Variants in ANO6 observed in about 807,000 individuals in gnomAD.
ANO6 encodes the protein anoctamin 6, also known as anoctamin-6.
Under a neutral mutation model 117.5 loss-of-function variants are expected in ANO6, and 106 were observed. The observed-to-expected ratio is 0.90, with a 90% confidence interval of 0.77 to 1.06. The LOEUF (loss-of-function observed/expected upper bound fraction) is 1.06. Ranked by LOEUF, ANO6 falls within the 50% of genes least tolerant of loss-of-function variation. ANO6 has a pLI of 0.00. For synonymous variants in ANO6, 367 were observed against 385.1 expected, an observed-to-expected ratio of 0.95 and a Z score of 0.55; for missense variants, 955 against 1,121.1, an observed-to-expected ratio of 0.85 and a Z score of 2.12.
At chr12:45,326,757 TGCTGCCCCTTCTGAA>T (rs1940480490) in intron 2 of ANO6, among the ~76,000 whole-genome samples, 1 of 152,220 alleles carries the variant, frequency 6.6e-6, no homozygotes, top group Non-Finnish European at 1.5e-5. Context: ...TCCCAGCAGC[TGCTGCCCCTTCTGAA>T]GCTGTCTTAT....
chr12:45,403,311 T>C, intron 14 of ANO6, 70 bp downstream of exon 14: 2 of 1,559,008 alleles, frequency 1.3e-6, no homozygotes, highest in Non-Finnish European at 8.8e-7. Flanking sequence ...AAATGAATAG[T>C]TTTTTATTGT....
chr12:45,234,639 CT>C, intron 1 of ANO6, among the ~76,000 whole-genome samples: 1 of 152,222 alleles, frequency 6.6e-6, no homozygotes, highest in East Asian at 1.9e-4. Flanking sequence ...TTTTTCGAGC[CT>C]GGTTTCCACT....
Position 45,370,985 on chromosome 12 carries a change from G to T in ANO6, c.1104+3192G>T, listed in dbSNP as rs543731096. On this transcript the variant is annotated intron_variant, in intron 9 of 19. Coordinates refer to ENST00000320560, the MANE Select transcript of ANO6 (RefSeq NM_001025356.3). ...CACTAGGGAGTGCCAGACAGTGGGC[G>T]CAGGTCAGTGGGTGCACGCACCGTG... is the stretch of plus-strand genomic sequence containing the variant. Among the ~76,000 whole-genome samples the T allele has an allele frequency of 1.4e-4, 22 of 152,226 alleles. No homozygotes were observed. The South Asian group carries it at 2.9e-3, about 20-fold the overall frequency.
chr12:45,336,115 C>T (rs772645216), intron 3 of ANO6, among the ~76,000 whole-genome samples: 16 of 151,926 alleles, frequency 1.1e-4, no homozygotes, highest in Admixed American at 6.6e-4. Context: ...ACTTGCCATA[C>T]ATTTTTGATA....
At chr12:45,233,613 C>G (rs950659126) in intron 1 of ANO6, among the ~76,000 whole-genome samples, 1 of 152,120 alleles carries the variant, frequency 6.6e-6, no homozygotes, top group Non-Finnish European at 1.5e-5. Flanking sequence ...ATTCCTAGTA[C>G]TGCTTATTTA....
At chr12:45,250,601 C>T (rs756707185) in intron 1 of ANO6, among the ~76,000 whole-genome samples, 5 of 151,768 alleles carry the variant, frequency 3.3e-5, no homozygotes, top group Non-Finnish European at 7.4e-5. Context: ...GGTCGTCTTG[C>T]TGTGTTGCCT....
chr12:45,340,143 G>A (rs1388534123), intron 3 of ANO6, among the ~76,000 whole-genome samples: 1 of 152,082 alleles, frequency 6.6e-6, no homozygotes, highest in Admixed American at 6.6e-5. Context: ...GTAATCTAGG[G>A]TGCGTAGGGA....
At chr12:45,222,521 A>G (rs1182757025) in intron 1 of ANO6, among the ~76,000 whole-genome samples, 3 of 152,052 alleles carry the variant, frequency 2.0e-5, no homozygotes, top group African/African-American at 7.2e-5. Context: ...TCCCTGTGAT[A>G]TTATGACACA....
chr12:45,316,890 C>T (rs1028529034), intron 2 of ANO6, among the ~76,000 whole-genome samples: 3 of 148,388 alleles, frequency 2.0e-5, no homozygotes, highest in African/African-American at 7.4e-5. Context: ...AAGTATCGAC[C>T]TCAGAGTTTT....
At chr12:45,249,818 G>A (rs1947876386) in intron 1 of ANO6, among the ~76,000 whole-genome samples, 1 of 152,182 alleles carries the variant, frequency 6.6e-6, no homozygotes. Context: ...AATACCTTGT[G>A]TCCTTTTCCT....
intron 11 of ANO6, among the ~76,000 whole-genome samples, chr12:45,389,495 T>C (rs1174223401): frequency 1.3e-5 from 2 of 152,238 alleles, no homozygotes; most frequent in African/African-American, 4.8e-5. Context: ...CTGCCAATTT[T>C]ATAGTTAAAA....
chr12:45,335,792 C>T (rs1940807109), intron 3 of ANO6, among the ~76,000 whole-genome samples: 1 of 151,918 alleles, frequency 6.6e-6, no homozygotes, highest in African/African-American at 2.4e-5. Context: ...TTGCTATTGT[C>T]AGAGGCATTT....
chr12:45,370,542 G>A (rs999383806), intron 9 of ANO6, among the ~76,000 whole-genome samples: 2 of 152,184 alleles, frequency 1.3e-5, no homozygotes, highest in African/African-American at 2.4e-5. Flanking sequence ...GTAGAGTGTT[G>A]TCAAATACTT....
Position 45,348,215 on chromosome 12 carries a change from A to T in ANO6, c.533A>T (p.Glu178Val). 6.2e-7 allele frequency: 1 copy of T among 1,614,006 alleles called. No homozygotes were observed. The change falls in exon 5 of 20, where the codon GAG becomes GTG. Residue 178 changes from glutamate (E) to valine (V), a missense_variant. Physicochemically the swap from Glu to Val is moderately radical, Grantham distance 121. Transcript: ENST00000320560. ...LSVDESIIKP[E>V]QEFFTAPFEK... is the part of the protein sequence containing the mutation. ...GTAGACGAAAGCATCATCAAGCCAG[A>T]GCAAGAGTTTTTCACTGCCCCATTT...
At chr12:45,405,715 G>A (rs1942915610) in intron 15 of ANO6, among the ~76,000 whole-genome samples, 1 of 152,142 alleles carries the variant, frequency 6.6e-6, no homozygotes, top group African/African-American at 2.4e-5. Context: ...TTCGAGACCA[G>A]CCTGACCAAC....
intron 19 of ANO6, among the ~76,000 whole-genome samples, chr12:45,427,993 T>A (rs1943546393): frequency 6.8e-6 from 1 of 147,286 alleles, no homozygotes; most frequent in Non-Finnish European, 1.5e-5. Flanking sequence ...CAACTGAAAC[T>A]ATTGCTGCTG....
intron 12 of ANO6, among the ~76,000 whole-genome samples, chr12:45,400,870 A>G (rs1366486761): frequency 6.6e-6 from 1 of 152,218 alleles, no homozygotes; most frequent in African/African-American, 2.4e-5. Context: ...CCTTGAGTGC[A>G]TGGTTCTGGA....
At position 45,395,368 on chromosome 12, in the gene ANO6, G is replaced by A. The variant is rs193197324; in HGVS notation, c.1386+4870G>A. 1.4e-4 allele frequency among the ~76,000 whole-genome samples: 22 copies of A among 152,172 alleles called. No homozygotes were observed. The East Asian group carries it at 1.9e-3, about 13-fold the overall frequency. On this transcript the variant is annotated intron_variant, in intron 12 of 19. Coordinates refer to ENST00000320560, the MANE Select transcript of ANO6 (RefSeq NM_001025356.3). ...TAATTAATAGCCTACCAACCAAAAA[G>A]AGTCCAGGACCAGAAGGATTCACAG...
chr12:45,223,381 T>C (rs909383548), intron 1 of ANO6, among the ~76,000 whole-genome samples: 1 of 152,186 alleles, frequency 6.6e-6, no homozygotes, highest in Non-Finnish European at 1.5e-5. Flanking sequence ...GCAGAATTGA[T>C]TGCTTGCTTG....
Sources: allele counts gnomAD v4.1 joint callset (sites outside exome capture counted in the v4.1 genomes callset), GRCh38; gene constraint gnomAD v4.1.1; transcripts MANE v1.5; gene names NCBI Gene and HGNC (gene_info 2026-07-23, HGNC 2026-07-21).